The following SYT9 variants were observed in gnomAD, a reference collection of about 807,000 sequenced individuals.
SYT9 encodes the protein synaptotagmin-9.
A neutral mutation model predicts 48.4 loss-of-function variants in SYT9; 22 were observed. The observed-to-expected ratio is 0.45, with a 90% confidence interval of 0.32 to 0.65. The LOEUF (loss-of-function observed/expected upper bound fraction) is 0.65, where lower values mean the gene tolerates loss of function less well. Ranked by LOEUF, SYT9 falls within the 30% of genes least tolerant of loss-of-function variation. The probability of loss-of-function intolerance (pLI) is 0.03; values close to 1 mark genes in which losing one functional copy is unlikely to be tolerated. For synonymous variants in SYT9, 265 were observed against 245.0 expected (o/e 1.08, Z -0.76); for missense variants, 577 against 622.0 (o/e 0.93, Z 0.77).
chr11:7,434,300 C>T (rs1007865159), intron 6 of SYT9, among the ~76,000 whole-genome samples: 12 of 152,168 alleles, frequency 7.9e-5, no homozygotes, highest in East Asian at 1.9e-4. Flanking sequence ...CTGAGCATCT[C>T]GTGCTCCCAA....
At chr11:7,296,068 T>C (rs187317843) in intron 1 of SYT9, among the ~76,000 whole-genome samples, 1 of 152,224 alleles carries the variant, frequency 6.6e-6, no homozygotes, top group East Asian at 1.9e-4. Flanking sequence ...ATAAGTCTGA[T>C]ATGGAGCAGC....
At chr11:7,279,983 G>A (rs769378966) in intron 1 of SYT9, among the ~76,000 whole-genome samples, 2 of 152,156 alleles carry the variant, frequency 1.3e-5, no homozygotes, top group Non-Finnish European at 2.9e-5. Flanking sequence ...GAGCAATGAG[G>A]CATACTGAAA....
intron 1 of SYT9, among the ~76,000 whole-genome samples, chr11:7,295,003 C>T (rs1239033248): frequency 3.3e-5 from 5 of 152,196 alleles, no homozygotes; most frequent in Non-Finnish European, 5.9e-5. Context: ...TTGGCAGTTT[C>T]TCTGCTGGGG....
intron 6 of SYT9, among the ~76,000 whole-genome samples, chr11:7,432,045 C>T (rs1847584330): frequency 6.6e-6 from 1 of 152,190 alleles, no homozygotes; most frequent in South Asian, 2.1e-4. Context: ...CCACCAGCCC[C>T]CAGACCTCAG....
Position 7,420,617 on chromosome 11 carries a change from C to G in SYT9, c.1449C>G (p.His483Gln). The change falls in exon 6 of 7, where the codon CAC becomes CAG. Residue 483 changes from histidine to glutamine, a missense_variant. His to Gln is a conservative substitution (Grantham distance 24). Coordinates refer to ENST00000318881, the MANE Select transcript of SYT9 (RefSeq NM_175733.4). ...CATATCCTCGGAAGCCCATTGCACA[C>G]TGGCATTCCCTGGTGGAGGTAAGAC... Reference protein sequence around the residue: ...MLSYPRKPIAHWHSLVEKR With the variant: ...MLSYPRKPIAQWHSLVEKR 1 of 1,614,194 alleles carries G rather than the reference C, an allele frequency of 6.2e-7. No individual in the cohort carries two copies. The highest frequency in any genetic ancestry group is 8.5e-7 in the Non-Finnish European group (1 of 1,180,022).
At chr11:7,335,946 T>TAC (rs1316164459) in intron 3 of SYT9, among the ~76,000 whole-genome samples, 1 of 152,190 alleles carries the variant, frequency 6.6e-6, no homozygotes, top group Non-Finnish European at 1.5e-5. Context: ...TGAACTAATT[T>TAC]ACACTCCCAC....
At chr11:7,271,974 G>A (rs936304570) in intron 1 of SYT9, among the ~76,000 whole-genome samples, 1 of 152,086 alleles carries the variant, frequency 6.6e-6, no homozygotes, top group East Asian at 1.9e-4. Context: ...TGTATAAATT[G>A]GACTCTTAGA....
intron 3 of SYT9, among the ~76,000 whole-genome samples, chr11:7,398,470 CAT>C (rs1846803584): frequency 6.7e-6 from 1 of 149,678 alleles, no homozygotes; most frequent in African/African-American, 2.5e-5. Flanking sequence ...AGTGCAGTGG[CAT>C]GATCTCGGCT....
At chr11:7,379,975 A>G (rs1374113717) in intron 3 of SYT9, among the ~76,000 whole-genome samples, 2 of 152,180 alleles carry the variant, frequency 1.3e-5, no homozygotes, top group African/African-American at 4.8e-5. Context: ...AAAATATTAA[A>G]GAGATATCTG....
intron 3 of SYT9, among the ~76,000 whole-genome samples, chr11:7,401,128 G>T (rs1463652286): frequency 6.6e-6 from 1 of 151,944 alleles, no homozygotes; most frequent in Non-Finnish European, 1.5e-5. Context: ...GAATATCTGA[G>T]GTAATGACAT....
chr11:7,463,944 A>G (rs1590047699), intron 6 of SYT9, among the ~76,000 whole-genome samples: 1 of 152,210 alleles, frequency 6.6e-6, no homozygotes, highest in Non-Finnish European at 1.5e-5. Context: ...AACAATGCCA[A>G]TGCTAGTGGT....
intron 1 of SYT9, among the ~76,000 whole-genome samples, chr11:7,265,963 G>A (rs1848173343): frequency 6.6e-6 from 1 of 152,072 alleles, no homozygotes; most frequent in Non-Finnish European, 1.5e-5. Context: ...AATCATCCTA[G>A]CCAATATGCT....
At chr11:7,348,089 G>A (rs902891808) in intron 3 of SYT9, among the ~76,000 whole-genome samples, 4 of 152,128 alleles carry the variant, frequency 2.6e-5, no homozygotes, top group Non-Finnish European at 4.4e-5. Context: ...GAATTTAAAG[G>A]AACTCTTTCT....
At chr11:7,391,001 G>A (rs112629960) in intron 3 of SYT9, among the ~76,000 whole-genome samples, 2,840 of 152,052 alleles carry the variant, frequency 0.019, 70 homozygotes, top group African/African-American at 0.061. Context: ...TTTGGAGTCC[G>A]TAGTATCTCT....
intron 6 of SYT9, among the ~76,000 whole-genome samples, chr11:7,442,548 C>G (rs1847847247): frequency 6.6e-6 from 1 of 152,158 alleles, no homozygotes; most frequent in Non-Finnish European, 1.5e-5. Flanking sequence ...CACACCTTCA[C>G]CCCCAGCACT....
At chr11:7,279,305 G>A (rs781663467) in intron 1 of SYT9, among the ~76,000 whole-genome samples, 4 of 152,158 alleles carry the variant, frequency 2.6e-5, no homozygotes, top group Non-Finnish European at 5.9e-5. Flanking sequence ...AGTCTGTCTT[G>A]ACTTCAGCAA....
chr11:7,378,907 A>C (rs899835239), intron 3 of SYT9, among the ~76,000 whole-genome samples: 1 of 152,154 alleles, frequency 6.6e-6, no homozygotes, highest in African/African-American at 2.4e-5. Context: ...AGCTCATCTT[A>C]ATGTGTTCTT....
intron 3 of SYT9, among the ~76,000 whole-genome samples, chr11:7,402,855 T>C (rs1846922166): frequency 6.6e-6 from 1 of 152,188 alleles, no homozygotes; most frequent in South Asian, 2.1e-4. Context: ...ATCTGCCTTT[T>C]CTAATTCTAA....
intron 3 of SYT9, among the ~76,000 whole-genome samples, chr11:7,366,256 A>C (rs914936255): frequency 6.6e-6 from 1 of 151,798 alleles, no homozygotes; most frequent in East Asian, 1.9e-4. Flanking sequence ...TATTATTCTA[A>C]CCTCCCGAAT....
Sources: gnomAD v4.1 joint callset for allele counts (sites outside exome capture counted in the v4.1 genomes callset) on GRCh38, gnomAD v4.1.1 for gene constraint, MANE v1.5 for transcripts, NCBI Gene and HGNC (gene_info 2026-07-23, HGNC 2026-07-21) for gene names.